ADCY10: variants seen among roughly 807,000 people sequenced by gnomAD.
ADCY10 encodes adenylate cyclase type 10.
A neutral mutation model predicts 183.3 loss-of-function variants in ADCY10; 156 were observed. The ratio of observed to expected loss-of-function variants is 0.85; its 90% CI spans 0.75 to 0.97. The LOEUF (loss-of-function observed/expected upper bound fraction) is 0.97, where lower values mean the gene tolerates loss of function less well. ADCY10 is among the 50% of genes least tolerant of loss of function. ADCY10 has a pLI of 0.00. For synonymous variants in ADCY10, 645 were observed against 670.0 expected (o/e 0.96, Z 0.58); for missense variants, 1,745 against 1,934.3 (o/e 0.90, Z 1.84).
chr1:167,823,538 G>A (rs951671070), intron 28 of ADCY10, among the ~76,000 whole-genome samples: 3 of 151,606 alleles, frequency 2.0e-5, no homozygotes, highest in Non-Finnish European at 2.9e-5. Flanking sequence ...TACACTGCTC[G>A]GGTGACAGGT....
intron 8 of ADCY10, among the ~76,000 whole-genome samples, chr1:167,884,076 C>T (rs1482788054): frequency 6.6e-6 from 1 of 152,162 alleles, no homozygotes; most frequent in African/African-American, 2.4e-5. Context: ...TATTCATCCC[C>T]TCAAGCATTT....
chr1:167,885,401 C>T (rs1668151802), intron 8 of ADCY10, among the ~76,000 whole-genome samples: 1 of 152,198 alleles, frequency 6.6e-6, no homozygotes, highest in Admixed American at 6.5e-5. Flanking sequence ...TTTACTTTCT[C>T]ATTAACAGTG....
intron 13 of ADCY10, among the ~76,000 whole-genome samples, chr1:167,872,786 C>T (rs1667193589): frequency 6.7e-6 from 1 of 149,366 alleles, no homozygotes; most frequent in Non-Finnish European, 1.5e-5. Flanking sequence ...GAAATATACA[C>T]ATAGGCTGCA....
rs185298080 is a variant in ADCY10 at position 167,827,692 on chromosome 1, T to C, written c.3750+1575A>G. ...AGGTCAAAGCTAGTTCCATAATATCTAGGCATTTTAAATTTAAAAAAAAAA... is the reference window on the plus strand; with the variant it reads ...AGGTCAAAGCTAGTTCCATAATATCCAGGCATTTTAAATTTAAAAAAAAAA... On this transcript the variant is annotated intron_variant, in intron 26 of 32. Coordinates refer to ENST00000367851, the MANE Select transcript of ADCY10 (RefSeq NM_018417.6). Among the ~76,000 whole-genome samples the C allele has an allele frequency of 7.2e-4, 106 of 146,812 alleles. 1 individual carries two copies. The highest frequency in any genetic ancestry group is 2.6e-3 in the African/African-American group (104 of 39,406).
chr1:167,820,365 G>A, intron 30 of ADCY10: 2 of 652,120 alleles, frequency 3.1e-6, no homozygotes, highest in African/African-American at 1.9e-5. Context: ...GGGCCAGCCC[G>A]CGCCTCGCCT....
Position 167,863,087 on chromosome 1 carries a change from C to G in ADCY10, c.1617-2024G>C, listed in dbSNP as rs115647060. On this transcript the variant is annotated intron_variant, in intron 14 of 32. Transcript: ENST00000367851. ...CTAAATGGTTTGAACTAGTGATTCC[C>G]TGTTGAGGGAAGAGACAGACCCTCT... 2.0e-3 allele frequency among the ~76,000 whole-genome samples: 309 copies of G among 152,280 alleles called. 1 individual carries two copies. In the Middle Eastern group the frequency reaches 0.02, roughly 10 times the overall value.
At chr1:167,849,688 G>A (rs1665323128) in intron 18 of ADCY10, among the ~76,000 whole-genome samples, 1 of 152,178 alleles carries the variant, frequency 6.6e-6, no homozygotes, top group African/African-American at 2.4e-5. Flanking sequence ...CATCAGGATG[G>A]GTGACTTAAG....
Position 167,861,160 on chromosome 1 carries a change from G to A in ADCY10, c.1617-97C>T. 2.8e-6 allele frequency: 3 copies of A among 1,055,166 alleles called. No individual in the cohort carries two copies. The South Asian group carries it at 4.1e-5, about 15-fold the overall frequency. The allele number at this position is 1,055,166 out of a possible 1,614,324, so 65.4% of individuals were successfully genotyped here. On this transcript the variant is annotated intron_variant, in intron 14 of 32. Transcript: ENST00000367851. ...GGAAAGCTCTGTCTTCTCATATTCA[G>A]CTATAATGATGGAGATTTTCCAAGC...
intron 17 of ADCY10, among the ~76,000 whole-genome samples, chr1:167,855,235 G>A (rs1334502448): frequency 2.0e-5 from 3 of 152,194 alleles, no homozygotes; most frequent in South Asian, 2.1e-4. Context: ...CAGAAGAATC[G>A]CTTGAACCCG....
intron 8 of ADCY10, among the ~76,000 whole-genome samples, chr1:167,892,937 TCA>T (rs905284523): frequency 2.0e-5 from 3 of 152,250 alleles, no homozygotes; most frequent in African/African-American, 7.2e-5. Flanking sequence ...TCTCTGGGTC[TCA>T]GTTTTCTCAT....
At chr1:167,897,060 G>A (rs762870736) in intron 6 of ADCY10, among the ~76,000 whole-genome samples, 10 of 151,938 alleles carry the variant, frequency 6.6e-5, no homozygotes, top group Non-Finnish European at 1.3e-4. Context: ...AAAGGACGGG[G>A]GCTGATGGCC....
intron 26 of ADCY10, among the ~76,000 whole-genome samples, chr1:167,825,720 TTGAGGCTGCAG>T (rs1278372530): frequency 1.3e-4 from 19 of 151,926 alleles, no homozygotes; most frequent in Non-Finnish European, 1.9e-4. Flanking sequence ...GCAGGGGAGG[TTGAGGCTGCAG>T]TGAGCCATGA....
At chr1:167,836,749 G>A (rs181491824) in intron 22 of ADCY10, among the ~76,000 whole-genome samples, 110 of 152,306 alleles carry the variant, frequency 7.2e-4, no homozygotes, top group African/African-American at 2.5e-3. Context: ...AATTAGGCCG[G>A]GTGCGGTGGC....
chr1:167,888,875 CAA>C (rs748603972), intron 8 of ADCY10, among the ~76,000 whole-genome samples: 10 of 94,118 alleles, frequency 1.1e-4, no homozygotes, highest in Non-Finnish European at 6.2e-5. Flanking sequence ...GACTCCGTCT[CAA>C]AAAAAAAAAA....
intron 3 of ADCY10, 125 bp downstream of exon 3, chr1:167,903,762 A>G (rs1669608812): frequency 1.4e-6 from 1 of 726,978 alleles, no homozygotes; most frequent in Non-Finnish European, 2.5e-6. Flanking sequence ...GACTGGTTTT[A>G]TACACATTTC....
At chr1:167,876,325 G>A (rs973190751) in intron 12 of ADCY10, among the ~76,000 whole-genome samples, 7 of 151,826 alleles carry the variant, frequency 4.6e-5, no homozygotes, top group African/African-American at 1.5e-4. Context: ...GGCACAAAGA[G>A]TTTAATTGCC....
At chr1:167,834,205 TC>T in intron 23 of ADCY10, 128 bp from the exon 24 acceptor site, 1 of 728,738 alleles carries the variant, frequency 1.4e-6, no homozygotes, top group Non-Finnish European at 2.4e-6. Context: ...TCCACTTCCA[TC>T]CCCAGCTCCA....
intron 11 of ADCY10, among the ~76,000 whole-genome samples, 185 bp downstream of exon 11, chr1:167,879,930 A>G (rs1488970136): frequency 2.0e-5 from 3 of 152,194 alleles, no homozygotes; most frequent in Non-Finnish European, 2.9e-5. Flanking sequence ...CTACTCATAC[A>G]TAGCCCCAGA....
chr1:167,875,051 C>T (rs1366672967), intron 13 of ADCY10, 80 bp downstream of exon 13: 2 of 1,129,266 alleles, frequency 1.8e-6, no homozygotes, highest in African/African-American at 1.5e-5. Context: ...CATTAAGCTG[C>T]ACAGTTATCA....
Sources: gnomAD v4.1 joint callset for allele counts (sites outside exome capture counted in the v4.1 genomes callset) on GRCh38, gnomAD v4.1.1 for gene constraint, MANE v1.5 for transcripts, NCBI Gene and HGNC (gene_info 2026-07-23, HGNC 2026-07-21) for gene names.